BTBD8: variants seen among roughly 807,000 people sequenced by gnomAD.
The protein encoded by BTBD8 is BTB domain containing 8, also known as BTB/POZ domain-containing protein 8.
A neutral mutation model predicts 162.9 loss-of-function variants in BTBD8; 110 were observed. The observed-to-expected ratio is 0.68, with a 90% confidence interval of 0.58 to 0.79. The LOEUF (loss-of-function observed/expected upper bound fraction) is 0.79, where lower values mean the gene tolerates loss of function less well. BTBD8 is among the 30% of genes least tolerant of loss of function. The pLI is 0.00. For missense variants in BTBD8, 1,905 were observed against 2,085.4 expected (o/e 0.91, Z 1.68); for synonymous variants, 667 against 716.1 (o/e 0.93, Z 1.10).
intron 4 of BTBD8, among the ~76,000 whole-genome samples, chr1:92,118,282 C>A (rs1356114182): frequency 1.6e-5 from 2 of 122,316 alleles, no homozygotes; most frequent in Non-Finnish European, 3.4e-5. Context: ...TTCAGACTTT[C>A]TTTTTTTTTT....
In BTBD8 at chr1:92,121,845, T is replaced by A. The variant is rs545681785; in HGVS notation, c.663-7842T>A. Among the ~76,000 whole-genome samples, 293 of 151,226 alleles carry A rather than the reference T, an allele frequency of 1.9e-3. 3 individuals carry two copies. Among genetic ancestry groups the A allele is most frequent in the African/African-American group, 6.1e-3 (247 of 40,722 alleles). On this transcript the variant is annotated intron_variant, in intron 4 of 17. Transcript: ENST00000636805. ...CTTTTGCCCATTTATTTTTTTATTT[T>A]TTTTTTTTTGAGACAGAGTCTTGCT...
chr1:92,169,121 A>T (rs1264274147), intron 12 of BTBD8, 126 bp downstream of exon 12: 2 of 883,840 alleles, frequency 2.3e-6, no homozygotes, highest in African/African-American at 3.3e-5. Context: ...AGGATAACTG[A>T]AACTGGTGCT....
chr1:92,097,454 T>C (rs1020987982), intron 2 of BTBD8, among the ~76,000 whole-genome samples: 2 of 152,186 alleles, frequency 1.3e-5, no homozygotes, highest in Admixed American at 6.6e-5. Flanking sequence ...TTTTAATATA[T>C]TCACAATGTT....
chr1:92,098,051 C>T (rs951960666), intron 2 of BTBD8, among the ~76,000 whole-genome samples: 1 of 152,160 alleles, frequency 6.6e-6, no homozygotes, highest in Non-Finnish European at 1.5e-5. Flanking sequence ...GGGAATTGGT[C>T]ACGTAGGCAC....
At chr1:92,115,193 T>C in intron 4 of BTBD8, 1 of 531,812 alleles carries the variant, frequency 1.9e-6, no homozygotes, top group Non-Finnish European at 3.7e-6. Context: ...GCAGGGATGA[T>C]GTTCTGGAGA....
At chr1:92,114,944 C>A in intron 4 of BTBD8, 2 of 293,686 alleles carry the variant, frequency 6.8e-6, no homozygotes, top group South Asian at 7.0e-5. Flanking sequence ...GAGTTGGTGT[C>A]ACTGTTAAAG....
chr1:92,155,202 A>G (rs1319584596), intron 9 of BTBD8, among the ~76,000 whole-genome samples: 2 of 152,000 alleles, frequency 1.3e-5, no homozygotes, highest in African/African-American at 2.4e-5. Context: ...AGTCACTCCA[A>G]CTTTTTCCTT....
chr1:92,087,030 C>T (rs1330368393), intron 1 of BTBD8, among the ~76,000 whole-genome samples: 1 of 152,170 alleles, frequency 6.6e-6, no homozygotes, highest in Non-Finnish European at 1.5e-5. Flanking sequence ...TGTCCTTCCT[C>T]TGGACTTTAC....
In BTBD8 at chr1:92,147,703, G is replaced by A; in HGVS notation, c.1039G>A (p.Ala347Thr). ...TAACAGGTGGATTGTAAAGCATTTT[G>A]CAAGGTTTTGGTCTGAGAGAAGCTT... is the stretch of plus-strand genomic sequence containing the variant. ...DCMKWIVKHF[A>T]RFWSERSFAN... Residue 347 changes from alanine (A) to threonine (T), a missense_variant, in exon 9 of 18, where the codon GCA becomes ACA. Ala to Thr is a moderately conservative substitution (Grantham distance 58). Around this residue, in one of 3 missense-constraint regions of BTBD8, gnomAD observed 1,374 missense variants for 1,442.7 expected, o/e 0.95. Transcript: ENST00000636805. The A allele has an allele frequency of 6.2e-7, 1 of 1,609,344 alleles. No homozygotes were observed.
In BTBD8 at chr1:92,141,181, A is replaced by C; in HGVS notation, c.900A>C (p.Leu300Phe). ...TAAAAGAAGTAGCAATCTATATTTT[A>C]AGAAGAGATTACTGTAATTTCTTTC... is the stretch of plus-strand genomic sequence containing the variant. The part of the protein sequence containing the change: ...EGLKEVAIYI[L>F]RRDYCNFFQK... The change falls in exon 7 of 18, where the codon TTA becomes TTC. Residue 300 changes from leucine (L) to phenylalanine (F), a missense_variant. This residue lies in a region of BTBD8 where 1,374 missense variants were observed against 1,442.7 expected (regional missense o/e 0.95). Transcript: ENST00000636805. 6.3e-7 allele frequency: 1 copy of C among 1,585,878 alleles called. No individual in the cohort carries two copies. Among genetic ancestry groups the C allele is most frequent in the South Asian group, 1.1e-5 (1 of 88,758 alleles).
At chr1:92,114,565 A>G (rs893761424) in intron 4 of BTBD8, among the ~76,000 whole-genome samples, 4 of 152,202 alleles carry the variant, frequency 2.6e-5, no homozygotes, top group East Asian at 3.9e-4. Flanking sequence ...TGAGGTCACT[A>G]TCTTTGTCCT....
chr1:92,177,394 T>A lies in BTBD8; in HGVS notation c.2201T>A (p.Met734Lys). ...TCCAGCAGATCCACAGATTCAAGTA[T>A]GGAATTCTCAATTTCCACTGAATGT... The part of the protein sequence containing the change: ...GPSSRSTDSS[M>K]EFSISTECLD... Residue 734 changes from methionine (M) to lysine (K), a missense_variant, in exon 14 of 18, where the codon ATG becomes AAG. Around this residue, in one of 3 missense-constraint regions of BTBD8, gnomAD observed 1,374 missense variants for 1,442.7 expected, o/e 0.95. Coordinates refer to ENST00000636805, the MANE Select transcript of BTBD8 (RefSeq NM_001376131.1). 6.4e-7 allele frequency: 1 copy of A among 1,551,726 alleles called. No homozygotes were observed. The highest frequency in any genetic ancestry group is 8.7e-7 in the Non-Finnish European group (1 of 1,147,008).
At chr1:92,145,620 G>A (rs12028213) in intron 7 of BTBD8, among the ~76,000 whole-genome samples, 1 of 152,180 alleles carries the variant, frequency 6.6e-6, no homozygotes, top group Non-Finnish European at 1.5e-5. Flanking sequence ...GAAGTGAGTT[G>A]TTTTCACTAC....
Position 92,141,122 on chromosome 1 carries a change from C to T in BTBD8, c.841C>T (p.Leu281Phe). 1 of 1,545,462 alleles carries T rather than the reference C, an allele frequency of 6.5e-7. No individual in the cohort carries two copies. The highest frequency in any genetic ancestry group is 8.7e-7 in the Non-Finnish European group (1 of 1,148,754). The change falls in exon 7 of 18, where the codon CTC (leucine) becomes TTC (phenylalanine). Residue 281 changes from leucine (L) to phenylalanine (F), a missense_variant. Leu to Phe is a conservative substitution (Grantham distance 22, BLOSUM62 0). Around this residue, in one of 3 missense-constraint regions of BTBD8, gnomAD observed 1,374 missense variants for 1,442.7 expected, o/e 0.95. Coordinates refer to ENST00000636805, the MANE Select transcript of BTBD8 (RefSeq NM_001376131.1). ...CATCTATTTTTATTTTAGTCAGATACTCAATATGGCTGATATGTATGGACT... is the reference window on the plus strand; with the variant it reads ...CATCTATTTTTATTTTAGTCAGATATTCAATATGGCTGATATGTATGGACT... ...IPDKTNVGQILNMADMYGLEG... is the reference protein window; with the variant it reads ...IPDKTNVGQIFNMADMYGLEG...
intron 4 of BTBD8, chr1:92,126,377 C>A: frequency 4.4e-6 from 3 of 678,672 alleles, no homozygotes; most frequent in South Asian, 1.3e-5. Context: ...TTAAGCTGGA[C>A]CAGCCTAGAT....
chr1:92,183,018 G>A (rs1164349120), intron 17 of BTBD8, among the ~76,000 whole-genome samples: 1 of 151,930 alleles, frequency 6.6e-6, no homozygotes, highest in Non-Finnish European at 1.5e-5. Context: ...GTAACTAAAA[G>A]CACTGAACTA....
intron 2 of BTBD8, among the ~76,000 whole-genome samples, chr1:92,095,603 A>G (rs1311319128): frequency 6.6e-6 from 1 of 152,138 alleles, no homozygotes; most frequent in Non-Finnish European, 1.5e-5. Flanking sequence ...ACTAGTCTAT[A>G]CCACAGGACA....
intron 1 of BTBD8, 149 bp downstream of exon 1, chr1:92,080,869 C>T: frequency 8.0e-7 from 1 of 1,253,482 alleles, no homozygotes; most frequent in South Asian, 1.4e-5. Flanking sequence ...CCAGTCTCCC[C>T]ACTATTCCGA....
intron 9 of BTBD8, among the ~76,000 whole-genome samples, chr1:92,164,995 C>T (rs1426573526): frequency 6.6e-6 from 1 of 151,684 alleles, no homozygotes; most frequent in Admixed American, 6.6e-5. Flanking sequence ...GTAGCATGCA[C>T]CTGTGGTTTC....
Sources: gnomAD v4.1 joint callset for allele counts (sites outside exome capture counted in the v4.1 genomes callset) on GRCh38, gnomAD v4.1.1 for gene constraint, gnomAD v4.1.1 regional missense constraint, MANE v1.5 for transcripts, NCBI Gene and HGNC (gene_info 2026-07-23, HGNC 2026-07-21) for gene names.